CNTN5: variants seen among roughly 807,000 people sequenced by gnomAD.
CNTN5 encodes contactin-5.
Under a neutral mutation model 129.1 loss-of-function variants are expected in CNTN5, and 77 were observed. The observed-to-expected ratio is 0.60, with a 90% confidence interval of 0.50 to 0.72. CNTN5 has a LOEUF of 0.72. Among genes scored for constraint, CNTN5 ranks in the 30% least tolerant of loss-of-function variants. The pLI is 0.00. For missense variants in CNTN5, 1,478 were observed against 1,328.8 expected, an observed-to-expected ratio of 1.11 and a Z score of -1.75; for synonymous variants, 509 against 465.6, an observed-to-expected ratio of 1.09 and a Z score of -1.20.
At chr11:99,830,714 A>T (rs1336370062) in intron 4 of CNTN5, among the ~76,000 whole-genome samples, 4 of 152,168 alleles carry the variant, frequency 2.6e-5, no homozygotes, top group Non-Finnish European at 5.9e-5. Flanking sequence ...CATTCATCAA[A>T]ACTTTATGAC....
intron 15 of CNTN5, among the ~76,000 whole-genome samples, chr11:100,203,365 T>C (rs921794167): frequency 3.3e-5 from 5 of 152,060 alleles, no homozygotes; most frequent in Admixed American, 3.3e-4. Context: ...GTATGTTACA[T>C]TGCTTTAACA....
intron 8 of CNTN5, among the ~76,000 whole-genome samples, chr11:99,963,082 C>T (rs1281851001): frequency 6.6e-6 from 1 of 152,268 alleles, no homozygotes; most frequent in South Asian, 2.1e-4. Flanking sequence ...GAGTAGATTG[C>T]AAAAATTTTC....
At chr11:99,159,240 A>G (rs542526716) in intron 1 of CNTN5, among the ~76,000 whole-genome samples, 138 of 152,334 alleles carry the variant, frequency 9.1e-4, no homozygotes, top group Non-Finnish European at 1.6e-3. Context: ...AAAAATATAT[A>G]TCTAATTTTT....
chr11:100,062,659 A>G (rs1475959606), intron 10 of CNTN5, among the ~76,000 whole-genome samples: 1 of 152,182 alleles, frequency 6.6e-6, no homozygotes, highest in African/African-American at 2.4e-5. Flanking sequence ...AGGAGTCAGG[A>G]AAAGCTTTAG....
intron 6 of CNTN5, among the ~76,000 whole-genome samples, chr11:99,855,399 C>G (rs1199111297): frequency 6.6e-6 from 1 of 152,146 alleles, no homozygotes; most frequent in African/African-American, 2.4e-5. Flanking sequence ...AAATCATAAT[C>G]CAAGGCAAAC....
chr11:99,973,911 C>T (rs1937750673), intron 8 of CNTN5, among the ~76,000 whole-genome samples: 1 of 152,126 alleles, frequency 6.6e-6, no homozygotes, highest in African/African-American at 2.4e-5. Context: ...ATGTACTGAG[C>T]CTCATATATT....
intron 15 of CNTN5, among the ~76,000 whole-genome samples, chr11:100,220,625 T>A (rs568671239): frequency 2.0e-4 from 31 of 152,226 alleles, no homozygotes; most frequent in African/African-American, 6.0e-4. Flanking sequence ...AAGAGTGCAA[T>A]TATAGTGCCC....
At chr11:100,081,852 C>T (rs939987276) in intron 13 of CNTN5, among the ~76,000 whole-genome samples, 4 of 152,222 alleles carry the variant, frequency 2.6e-5, no homozygotes, top group African/African-American at 9.6e-5. Flanking sequence ...AGACCTTGAG[C>T]GTTTGACTAC....
chr11:99,788,843 T>A (rs2135424272), intron 3 of CNTN5, among the ~76,000 whole-genome samples: 1 of 152,030 alleles, frequency 6.6e-6, no homozygotes, highest in East Asian at 1.9e-4. Flanking sequence ...CTATTTTATA[T>A]ACGGGGAATG....
At chr11:99,917,319 A>G (rs540491946) in intron 7 of CNTN5, among the ~76,000 whole-genome samples, 2 of 152,158 alleles carry the variant, frequency 1.3e-5, no homozygotes, top group Non-Finnish European at 2.9e-5. Flanking sequence ...TACATTAAAC[A>G]TATCTATTCT....
At chr11:100,022,780 A>T (rs1941228173) in intron 9 of CNTN5, among the ~76,000 whole-genome samples, 1 of 152,160 alleles carries the variant, frequency 6.6e-6, no homozygotes, top group Non-Finnish European at 1.5e-5. Flanking sequence ...TTTAAAACAT[A>T]TTATCACTGA....
At chr11:99,432,510 C>CTT (rs1182136467) in intron 2 of CNTN5, among the ~76,000 whole-genome samples, 19,005 of 72,210 alleles carry the variant, frequency 0.26, 1,594 homozygotes, top group Middle Eastern at 0.44. Flanking sequence ...TTTTCTTTCT[C>CTT]TCTCTCTGTC....
chr11:99,660,561 C>T (rs536459780), intron 3 of CNTN5, among the ~76,000 whole-genome samples: 2 of 152,030 alleles, frequency 1.3e-5, no homozygotes, highest in Admixed American at 1.3e-4. Context: ...GTGATGACTG[C>T]CTGAATTAGG....
At chr11:99,242,418 C>G (rs181136992) in intron 1 of CNTN5, among the ~76,000 whole-genome samples, 1 of 152,138 alleles carries the variant, frequency 6.6e-6, no homozygotes, top group East Asian at 1.9e-4. Flanking sequence ...ATATTCTTCC[C>G]TGTTAGTAAT....
At position 99,870,294 on chromosome 11, in the gene CNTN5, G is replaced by GA. The variant is rs950458737; in HGVS notation, c.577+25038dup. ...CAGTGTGAAAGTAATTTTGTCCAAG[G>GA]AAAAAACAATGGTTTCCAAACAGCC... On this transcript the variant is annotated intron_variant, in intron 6 of 24. Coordinates refer to ENST00000524871, the MANE Select transcript of CNTN5 (RefSeq NM_014361.4). 1.8e-4 allele frequency among the ~76,000 whole-genome samples: 27 copies of GA among 151,946 alleles called. 1 individual carries two copies. In the East Asian group the frequency reaches 5.2e-3, roughly 29 times the overall value.
chr11:99,395,137 A>G (rs1452154883), intron 2 of CNTN5, among the ~76,000 whole-genome samples: 1 of 151,908 alleles, frequency 6.6e-6, no homozygotes, highest in Non-Finnish European at 1.5e-5. Context: ...ATAATGGTCA[A>G]ACTAATTTAT....
chr11:99,196,056 T>C (rs908556368), intron 1 of CNTN5, among the ~76,000 whole-genome samples: 1 of 151,804 alleles, frequency 6.6e-6, no homozygotes, highest in African/African-American at 2.4e-5. Context: ...GGGAATTCAA[T>C]TCAAAAAATG....
intron 2 of CNTN5, among the ~76,000 whole-genome samples, chr11:99,432,380 A>ACGT (rs1011555643): frequency 2.6e-5 from 4 of 151,864 alleles, no homozygotes; most frequent in Non-Finnish European, 5.9e-5. Context: ...AAAAGTAACT[A>ACGT]CGTAGAAGAT....
intron 2 of CNTN5, among the ~76,000 whole-genome samples, chr11:99,447,920 G>A (rs11219972): frequency 0.012 from 1,892 of 152,060 alleles, 33 homozygotes; most frequent in African/African-American, 0.043. Flanking sequence ...GCGAGACTCC[G>A]TCTAAAAATA....
Sources: allele counts gnomAD v4.1 joint callset (sites outside exome capture counted in the v4.1 genomes callset), GRCh38; gene constraint gnomAD v4.1.1; transcripts MANE v1.5; gene names NCBI Gene and HGNC (gene_info 2026-07-23, HGNC 2026-07-21).